RNF217: variants seen among roughly 807,000 people sequenced by gnomAD.
RNF217 encodes ring finger protein 217, also known as E3 ubiquitin-protein ligase RNF217.
Under a neutral mutation model 57.8 loss-of-function variants are expected in RNF217, and 31 were observed. The observed-to-expected ratio is 0.54, with a 90% CI of 0.40 to 0.72. The LOEUF (loss-of-function observed/expected upper bound fraction) is 0.72. Among genes scored for constraint, RNF217 ranks in the 30% least tolerant of loss-of-function variants. The pLI, the probability that RNF217 is intolerant of heterozygous loss-of-function variation, is 0.00. For synonymous variants in RNF217, 313 were observed against 294.0 expected, an observed-to-expected ratio of 1.06 and a Z score of -0.66; for missense variants, 696 against 708.3, an observed-to-expected ratio of 0.98 and a Z score of 0.20.
intron 1 of RNF217, among the ~76,000 whole-genome samples, chr6:125,027,189 CAATT>C (rs1786133962): frequency 6.6e-6 from 1 of 152,056 alleles, no homozygotes; most frequent in Non-Finnish European, 1.5e-5. Context: ...TTAAAATACA[CAATT>C]AAGTTATTAT....
At chr6:125,017,876 A>T (rs1271646488) in intron 1 of RNF217, among the ~76,000 whole-genome samples, 1 of 152,240 alleles carries the variant, frequency 6.6e-6, no homozygotes, top group Non-Finnish European at 1.5e-5. Flanking sequence ...AAAATGAAAC[A>T]TAGCATTGCC....
At chr6:125,048,375 C>T (rs888673671) in intron 2 of RNF217, 28 of 760,126 alleles carry the variant, frequency 3.7e-5, no homozygotes, top group Non-Finnish European at 3.9e-5. Flanking sequence ...CAAGTACTCA[C>T]ACACAATACA....
Position 124,979,042 on chromosome 6 carries a change from TAG to T in RNF217, c.882+15627_882+15628del, listed in dbSNP as rs201725057. On this transcript the variant is annotated intron_variant, in intron 1 of 5. Coordinates refer to ENST00000521654, the MANE Select transcript of RNF217 (RefSeq NM_001286398.3). ...ACAGGTATCATCCAGAAGAAACCAA[TAG>T]AGAGAGAGAGTGTAAGATGGTGATA... 3.8e-3 allele frequency among the ~76,000 whole-genome samples: 578 copies of T among 151,906 alleles called. 6 individuals are homozygous for T. Among genetic ancestry groups the T allele is most frequent in the African/African-American group, 0.013 (549 of 41,426 alleles).
chr6:125,048,450 A>C (rs1031395073), intron 2 of RNF217, among the ~76,000 whole-genome samples: 2 of 152,052 alleles, frequency 1.3e-5, no homozygotes, highest in African/African-American at 4.8e-5. Flanking sequence ...GTTTCTGTGC[A>C]ATTTAACGTC....
At position 125,002,758 on chromosome 6, in the gene RNF217, T is replaced by C. The variant is rs1177407329; in HGVS notation, c.882+39332T>C. Among the ~76,000 whole-genome samples the C allele has an allele frequency of 4.6e-5, 7 of 152,278 alleles. No homozygotes were observed. In the East Asian group the frequency reaches 1.2e-3, roughly 25 times the overall value. Reference sequence around the variant, plus strand: ...CTTCATATCCCTTATATGGAAACTTTTCCCCATTACATTATTTTTGTAACT... The same window carrying C: ...CTTCATATCCCTTATATGGAAACTTCTCCCCATTACATTATTTTTGTAACT... On this transcript the variant is annotated intron_variant, in intron 1 of 5. Transcript: ENST00000521654.
intron 1 of RNF217, among the ~76,000 whole-genome samples, chr6:124,997,817 T>G (rs1399752634): frequency 6.6e-6 from 1 of 152,212 alleles, no homozygotes; most frequent in Non-Finnish European, 1.5e-5. Flanking sequence ...TTCTAGACTC[T>G]ACTAACTTAA....
intron 1 of RNF217, among the ~76,000 whole-genome samples, chr6:124,986,514 C>T (rs1171776307): frequency 1.3e-5 from 2 of 152,146 alleles, no homozygotes; most frequent in Admixed American, 6.5e-5. Context: ...TTATTGTATG[C>T]CCTATCTTTA....
chr6:125,046,586 T>TCA (rs1203920052), intron 2 of RNF217: 1 of 455,874 alleles, frequency 2.2e-6, no homozygotes, highest in Non-Finnish European at 4.4e-6. Context: ...GTGGCAGTAG[T>TCA]TTTCATCCTT....
intron 1 of RNF217, among the ~76,000 whole-genome samples, chr6:125,025,101 G>A (rs1271099578): frequency 6.6e-6 from 1 of 152,116 alleles, no homozygotes; most frequent in Non-Finnish European, 1.5e-5. Flanking sequence ...TGTGCTAGAG[G>A]TCAAGAAAGA....
At chr6:124,981,862 CAA>C (rs763581953) in intron 1 of RNF217, among the ~76,000 whole-genome samples, 12 of 128,518 alleles carry the variant, frequency 9.3e-5, no homozygotes, top group East Asian at 2.2e-4. Context: ...ACTAAAAATA[CAA>C]AAAAAAAAAA....
chr6:124,963,208 A>G lies in RNF217; in HGVS notation c.664A>G (p.Ser222Gly). ...PTDSLSPDGGSIELEFYLAPE... is the reference protein window; with the variant it reads ...PTDSLSPDGGGIELEFYLAPE... ...GGATTCCCTCTCCCCCGACGGCGGC[A>G]GCATCGAGCTGGAGTTCTACCTGGC... The change falls in exon 1 of 6, where the codon AGC (serine) becomes GGC (glycine). Residue 222 changes from serine to glycine, a missense_variant. By Grantham distance (56) the Ser-to-Gly change is moderately conservative. Transcript: ENST00000521654. 1 of 1,535,972 alleles carries G rather than the reference A, an allele frequency of 6.5e-7. No individual in the cohort carries two copies. Among genetic ancestry groups the G allele is most frequent in the Non-Finnish European group, 8.7e-7 (1 of 1,146,866 alleles).
rs1323988773 is a variant in RNF217, at chr6:125,092,375, T to C, written c.*9438T>C. 1 of 152,208 alleles carries C rather than the reference T, an allele frequency of 6.6e-6. No homozygotes were observed. Among genetic ancestry groups the C allele is most frequent in the African/African-American group, 2.4e-5 (1 of 41,440 alleles). The allele number at this position is 152,208 out of a possible 1,614,324, so 9.4% of individuals were successfully genotyped here. A position where few individuals can be genotyped will look rare whatever the true frequency, so the allele number is the denominator to read the frequency against. ...GTAATGTCCCAATGACCTTTTGTTG[T>C]GGTTGGGCTTTTATAAAAAATTATT... is the stretch of plus-strand genomic sequence containing the variant. On this transcript the variant is annotated 3_prime_UTR_variant, in exon 6 of 6. Transcript: ENST00000521654.
At position 125,086,070 on chromosome 6, in the gene RNF217, G is replaced by A. The variant is rs1788761083; in HGVS notation, c.*3133G>A. On this transcript the variant is annotated 3_prime_UTR_variant, in exon 6 of 6. Transcript: ENST00000521654. ...TGAAGACCCTTTTGCATATATTTTTGTCACCTTGCATGAACATATCCATAA... is the reference window on the plus strand; with the variant it reads ...TGAAGACCCTTTTGCATATATTTTTATCACCTTGCATGAACATATCCATAA... 6.6e-6 allele frequency: 1 copy of A among 151,794 alleles called. No individual in the cohort carries two copies. The highest frequency in any genetic ancestry group is 6.6e-5 in the Admixed American group (1 of 15,214). The allele number at this position is 151,794 out of a possible 1,614,324, so 9.4% of individuals were successfully genotyped here.
At chr6:125,028,241 T>G (rs1337409996) in intron 1 of RNF217, among the ~76,000 whole-genome samples, 1 of 152,090 alleles carries the variant, frequency 6.6e-6, no homozygotes, top group Non-Finnish European at 1.5e-5. Context: ...AGTACCCCTT[T>G]AAATATATGA....
intron 3 of RNF217, among the ~76,000 whole-genome samples, chr6:125,062,284 T>C (rs1207267455): frequency 6.6e-6 from 1 of 152,102 alleles, no homozygotes; most frequent in Non-Finnish European, 1.5e-5. Flanking sequence ...CTCAAATGGA[T>C]AGACCAATTT....
At chr6:125,065,290 C>CAAAA (rs1192938088) in intron 3 of RNF217, among the ~76,000 whole-genome samples, 3 of 63,716 alleles carry the variant, frequency 4.7e-5, no homozygotes, top group Admixed American at 1.6e-4. Context: ...GACTCTGTCT[C>CAAAA]AAAAAAAAAA....
At chr6:125,016,091 A>C (rs760183464) in intron 1 of RNF217, among the ~76,000 whole-genome samples, 1 of 152,134 alleles carries the variant, frequency 6.6e-6, no homozygotes, top group Non-Finnish European at 1.5e-5. Flanking sequence ...AGAAATGAGA[A>C]TATAAGGGGG....
At chr6:124,980,501 T>A (rs1262410631) in intron 1 of RNF217, among the ~76,000 whole-genome samples, 1 of 152,222 alleles carries the variant, frequency 6.6e-6, no homozygotes, top group Non-Finnish European at 1.5e-5. Context: ...TTTGGATAAG[T>A]CATTTGCTTC....
At chr6:125,012,244 T>C (rs188019075) in intron 1 of RNF217, among the ~76,000 whole-genome samples, 330 of 152,330 alleles carry the variant, frequency 2.2e-3, no homozygotes, top group Non-Finnish European at 3.4e-3. Context: ...ATGAAAGCAT[T>C]GCTAAGAGCT....
Sources: allele counts gnomAD v4.1 joint callset (sites outside exome capture counted in the v4.1 genomes callset), GRCh38; gene constraint gnomAD v4.1.1; transcripts MANE v1.5; gene names NCBI Gene and HGNC (gene_info 2026-07-23, HGNC 2026-07-21).